WLS: variants seen among roughly 807,000 people sequenced by gnomAD.
WLS encodes the protein protein wntless homolog.
Under a neutral mutation model 62.8 loss-of-function variants are expected in WLS, and 23 were observed. The ratio of observed to expected loss-of-function variants is 0.37; its 90% CI spans 0.26 to 0.52. The LOEUF (loss-of-function observed/expected upper bound fraction) is 0.52. Ranked by LOEUF, WLS falls within the 20% of genes least tolerant of loss-of-function variation. The pLI, the probability that WLS is intolerant of heterozygous loss-of-function variation, is 0.92. For missense variants in WLS, 615 were observed against 697.3 expected (o/e 0.88, Z 1.33); for synonymous variants, 246 against 244.1 (o/e 1.01, Z -0.07).
intron 11 of WLS, among the ~76,000 whole-genome samples, chr1:68,118,471 C>T (rs1469302143): frequency 1.3e-5 from 2 of 152,140 alleles, no homozygotes; most frequent in East Asian, 1.9e-4. Context: ...TAGCCTTCAT[C>T]GCTATCACCT....
In WLS at chr1:68,167,711, G is replaced by A. The variant is rs1173892488; in HGVS notation, c.380-8464C>T. On this transcript the variant is annotated intron_variant, in intron 2 of 11. Transcript: ENST00000262348. ...CTATACCAGCAGCTTTGGTATAGAA[G>A]CCCATAGGTCCTATGGGCTAGCCAA... Among the ~76,000 whole-genome samples the A allele has an allele frequency of 3.9e-5, 6 of 152,264 alleles. No individual in the cohort carries two copies. The East Asian group carries it at 7.7e-4, about 20-fold the overall frequency.
chr1:68,132,255 C>T (rs961196479), intron 11 of WLS, among the ~76,000 whole-genome samples: 37 of 152,158 alleles, frequency 2.4e-4, no homozygotes, highest in African/African-American at 8.7e-4. Context: ...GGTGACGGTC[C>T]ATCAGTTGGT....
intron 11 of WLS, among the ~76,000 whole-genome samples, chr1:68,136,663 C>T (rs1055802824): frequency 6.6e-6 from 1 of 152,164 alleles, no homozygotes; most frequent in African/African-American, 2.4e-5. Context: ...TTCATGGAGA[C>T]AATATTCCAT....
chr1:68,133,163 G>C (rs74081388), intron 11 of WLS, among the ~76,000 whole-genome samples: 2 of 152,000 alleles, frequency 1.3e-5, no homozygotes, highest in African/African-American at 4.8e-5. Context: ...ATGTGCACGT[G>C]TGTGTGTGTA....
intron 1 of WLS, among the ~76,000 whole-genome samples, chr1:68,220,496 GA>G (rs1157915154): frequency 6.6e-6 from 1 of 152,176 alleles, no homozygotes; most frequent in Non-Finnish European, 1.5e-5. Flanking sequence ...GAGGCTCACA[GA>G]ATTTAAATGG....
chr1:68,194,069 C>T lies in WLS; in HGVS notation c.265G>A (p.Asp89Asn), dbSNP rs777546417. 3.3e-5 allele frequency: 54 copies of T among 1,614,070 alleles called. No homozygotes were observed. The Admixed American group carries it at 8.5e-4, about 25-fold the overall frequency. The change falls in exon 2 of 12, where the codon GAC becomes AAC. Residue 89 changes from aspartate to asparagine, a missense_variant. Transcript: ENST00000262348. ...GGAATGTGAACAGAAAACACGATGTCATTGGCTTCAATTTCCCTTGGAATT... is the reference window on the plus strand; with the variant it reads ...GGAATGTGAACAGAAAACACGATGTTATTGGCTTCAATTTCCCTTGGAATT... ...EAIPREIEAN[D>N]IVFSVHIPLP...
intron 2 of WLS, chr1:68,186,488 T>G: frequency 2.5e-6 from 1 of 397,892 alleles, no homozygotes; most frequent in South Asian, 1.8e-5. Flanking sequence ...TTTCAAAGAC[T>G]GCCACGAAAA....
At chr1:68,183,541 CA>C (rs1349042318) in intron 2 of WLS, 3 of 533,344 alleles carry the variant, frequency 5.6e-6, no homozygotes, top group Non-Finnish European at 1.2e-5. Flanking sequence ...TGTTGAAGGC[CA>C]AAAATTAGTT....
At chr1:68,101,616 C>T (rs11209214) in intron 11 of WLS, among the ~76,000 whole-genome samples, 81,242 of 152,014 alleles carry the variant, frequency 0.53, 23,214 homozygotes, top group East Asian at 0.88. Flanking sequence ...AATATGTCTA[C>T]GTTCACTGTC....
chr1:68,205,339 CAAGT>C (rs1194460724), intron 1 of WLS, among the ~76,000 whole-genome samples: 2 of 152,142 alleles, frequency 1.3e-5, no homozygotes, highest in Non-Finnish European at 2.9e-5. Context: ...CCAATCCACA[CAAGT>C]AATTTACACA....
intron 10 of WLS, chr1:68,143,001 A>T (rs1198406964): frequency 6.6e-6 from 1 of 152,228 alleles, no homozygotes; most frequent in Admixed American, 6.5e-5. Flanking sequence ...TTTTCACATC[A>T]ATTACAGTTG....
At chr1:68,113,596 T>C (rs1180504839) in intron 11 of WLS, among the ~76,000 whole-genome samples, 1 of 152,160 alleles carries the variant, frequency 6.6e-6, no homozygotes, top group Non-Finnish European at 1.5e-5. Flanking sequence ...TGGGACCCCC[T>C]TGGGTAGGGG....
Position 68,126,042 on chromosome 1 carries a change from A to G in WLS, c.*184T>C, listed in dbSNP as rs1570835935. 3.5e-6 allele frequency: 5 copies of G among 1,433,916 alleles called. No individual in the cohort carries two copies. The highest frequency in any genetic ancestry group is 5.2e-4 in the Middle Eastern group (2 of 3,840). 88.8% of individuals were successfully genotyped at this position (1,433,916 alleles called of 1,614,324 possible). A position where few individuals can be genotyped will look rare whatever the true frequency, so the allele number is the denominator to read the frequency against. On this transcript the variant is annotated 3_prime_UTR_variant, in exon 12 of 12. Coordinates refer to ENST00000262348, the MANE Select transcript of WLS (RefSeq NM_024911.7). ...TACACAATGCATTAGTGGCTGCAGGAATCTTCCTCCAAAAGCTACCGTCAG... is the reference window on the plus strand; with the variant it reads ...TACACAATGCATTAGTGGCTGCAGGGATCTTCCTCCAAAAGCTACCGTCAG...
At position 68,126,015 on chromosome 1, in the gene WLS, C is replaced by A; in HGVS notation, c.*211G>T. On this transcript the variant is annotated 3_prime_UTR_variant, in exon 12 of 12. Transcript: ENST00000262348. ...TGTGTCATACCAGAGTTTTTGTTAT[C>A]ATACACAATGCATTAGTGGCTGCAG... is the stretch of plus-strand genomic sequence containing the variant. 1 of 1,379,402 alleles carries A rather than the reference C, an allele frequency of 7.2e-7. No individual in the cohort carries two copies. Among genetic ancestry groups the A allele is most frequent in the Non-Finnish European group, 9.4e-7 (1 of 1,061,084 alleles). The allele number at this position is 1,379,402 out of a possible 1,614,324, so 85.4% of individuals were successfully genotyped here.
intron 1 of WLS, among the ~76,000 whole-genome samples, chr1:68,222,182 G>A (rs909558862): frequency 1.3e-5 from 2 of 152,084 alleles, no homozygotes; most frequent in Non-Finnish European, 2.9e-5. Flanking sequence ...ACTGTGCTTT[G>A]GATTGGATAA....
intron 10 of WLS, chr1:68,138,247 C>A: frequency 3.5e-6 from 1 of 289,156 alleles, no homozygotes; most frequent in Non-Finnish European, 6.5e-6. Flanking sequence ...GTGTTTGAGC[C>A]CATCACTTAT....
At chr1:68,161,420 T>C (rs1646970849) in intron 2 of WLS, among the ~76,000 whole-genome samples, 1 of 152,176 alleles carries the variant, frequency 6.6e-6, no homozygotes, top group African/African-American at 2.4e-5. Context: ...TGATGCAACA[T>C]TGTAGAGCAG....
At chr1:68,196,586 C>T (rs1291669790) in intron 1 of WLS, among the ~76,000 whole-genome samples, 1 of 152,020 alleles carries the variant, frequency 6.6e-6, no homozygotes, top group Non-Finnish European at 1.5e-5. Flanking sequence ...CATTATTTTT[C>T]TATTCTATTA....
At chr1:68,170,166 T>A (rs866694896) in intron 2 of WLS, among the ~76,000 whole-genome samples, 1 of 136,944 alleles carries the variant, frequency 7.3e-6, no homozygotes, top group Non-Finnish European at 1.6e-5. Context: ...ATTTCTTTTT[T>A]TTTTTTTTTT....
Sources: gnomAD v4.1 joint callset for allele counts (sites outside exome capture counted in the v4.1 genomes callset) on GRCh38, gnomAD v4.1.1 for gene constraint, MANE v1.5 for transcripts, NCBI Gene and HGNC (gene_info 2026-07-23, HGNC 2026-07-21) for gene names.